Variants in C1QTNF1 observed in about 807,000 individuals in gnomAD.
C1QTNF1 encodes C1q and TNF related 1.
In C1QTNF1, 22 loss-of-function variants were observed where a neutral mutation model predicts 27.8. The observed-to-expected ratio is 0.79, with a 90% CI of 0.56 to 1.13. The LOEUF is 1.13. Among genes scored for constraint, C1QTNF1 ranks in the 50% most tolerant of loss-of-function variants. C1QTNF1 has a pLI of 0.00. For missense variants in C1QTNF1, 373 were observed against 380.2 expected (o/e 0.98, Z 0.16); for synonymous variants, 166 against 154.3 (o/e 1.08, Z -0.56).
chr17:79,030,844 G>T (rs373244608), intron 1 of C1QTNF1, among the ~76,000 whole-genome samples: 4 of 151,740 alleles, frequency 2.6e-5, no homozygotes, highest in African/African-American at 4.8e-5. Flanking sequence ...CAAGCGATCC[G>T]CCTGCCTCGG....
At position 79,048,041 on chromosome 17, in the gene C1QTNF1, T is replaced by A. The variant is rs372234859; in HGVS notation, c.799T>A (p.Tyr267Asn). 1 of 1,592,552 alleles carries A rather than the reference T, an allele frequency of 6.3e-7. No individual in the cohort carries two copies. The highest frequency in any genetic ancestry group is 8.5e-7 in the Non-Finnish European group (1 of 1,171,772). ...CATCTTCAGCGAGGAGCTGGACACC[T>A]ACATCACCTTCAGTGGCTACCTGGT... is the stretch of plus-strand genomic sequence containing the variant. ...NAIFSEELDT[Y>N]ITFSGYLVKH... Residue 267 changes from tyrosine (Y) to asparagine (N), a missense_variant, in exon 4 of 4, where the codon TAC (tyrosine) becomes AAC (asparagine). Physicochemically the swap from Tyr to Asn is moderately radical, Grantham distance 143. Coordinates refer to ENST00000579760, the MANE Select transcript of C1QTNF1 (RefSeq NM_030968.5).
chr17:79,043,475 T>G (rs1048455232), intron 1 of C1QTNF1: 6 of 452,548 alleles, frequency 1.3e-5, no homozygotes, highest in African/African-American at 2.0e-5. Flanking sequence ...AGTGTGCATA[T>G]GGGTGCGTGG....
At chr17:79,027,766 G>A (rs542568381) in intron 1 of C1QTNF1, 2 of 152,412 alleles carry the variant, frequency 1.3e-5, no homozygotes, top group South Asian at 4.1e-4. Flanking sequence ...TTGTGCTGGG[G>A]TGATATGAGT....
chr17:79,028,883 G>GGTGTGTGT lies in C1QTNF1; in HGVS notation c.-15+4411_-15+4418dup, dbSNP rs3223281. 3.3e-5 allele frequency among the ~76,000 whole-genome samples: 5 copies of GGTGTGTGT among 149,372 alleles called. No homozygotes were observed. In the East Asian group the frequency reaches 7.9e-4, roughly 24 times the overall value. On this transcript the variant is annotated intron_variant, in intron 1 of 3. Coordinates refer to ENST00000579760, the MANE Select transcript of C1QTNF1 (RefSeq NM_030968.5). The stretch of plus-strand genomic sequence containing the variant: ...ACTGCCCAAGCCCCTCACATTTTAA[G>GGTGTGTGT]GTGTGTGTGTGTGTGTGTGTGTGTG...
At chr17:79,039,662 T>C (rs116499424) in intron 1 of C1QTNF1, among the ~76,000 whole-genome samples, 3,550 of 149,606 alleles carry the variant, frequency 0.024, 118 homozygotes, top group African/African-American at 0.082. Flanking sequence ...CAAAATAAAA[T>C]AAAACAAAAA....
intron 3 of C1QTNF1, chr17:79,047,160 A>G: frequency 3.9e-6 from 1 of 254,900 alleles, no homozygotes; most frequent in South Asian, 1.3e-4. Context: ...TCATTTGCTC[A>G]GAGCGAGCCG....
At position 79,045,023 on chromosome 17, in the gene C1QTNF1, G is replaced by A. The variant is rs376514663; in HGVS notation, c.155+900G>A. On this transcript the variant is annotated intron_variant, in intron 2 of 3. Transcript: ENST00000579760. ...CCTGGCCTCCAGGAGCTCTGAGGCC[G>A]AGAGGGAGATAGACACATGAGAGAC... Among the ~76,000 whole-genome samples the A allele has an allele frequency of 1.8e-3, 264 of 150,240 alleles. 2 individuals are homozygous for A. Among genetic ancestry groups the A allele is most frequent in the African/African-American group, 6.2e-3 (244 of 39,542 alleles).
intron 1 of C1QTNF1, among the ~76,000 whole-genome samples, chr17:79,029,738 C>T (rs1370203705): frequency 6.6e-6 from 1 of 152,198 alleles, no homozygotes; most frequent in Non-Finnish European, 1.5e-5. Flanking sequence ...AACAAAGCCC[C>T]TCACTGCTAG....
At chr17:79,040,730 CAAAA>C (rs60302649) in intron 1 of C1QTNF1, among the ~76,000 whole-genome samples, 1 of 56,940 alleles carries the variant, frequency 1.8e-5, no homozygotes, top group Non-Finnish European at 3.9e-5. Flanking sequence ...TTTGTCTCTA[CAAAA>C]AAAAAAAAAA....
At chr17:79,026,023 C>G (rs2071945964) in intron 1 of C1QTNF1, 1 of 231,728 alleles carries the variant, frequency 4.3e-6, no homozygotes, top group African/African-American at 2.3e-5. Context: ...CTCAACACTT[C>G]TATCAAGGGA....
intron 1 of C1QTNF1, among the ~76,000 whole-genome samples, chr17:79,041,217 C>G (rs778636217): frequency 6.6e-6 from 1 of 152,078 alleles, no homozygotes; most frequent in Non-Finnish European, 1.5e-5. Context: ...TGGGCCCTGA[C>G]GCATGGGAGG....
In C1QTNF1 at chr17:79,048,342, A is replaced by G. The variant is rs750320035; in HGVS notation, c.*254A>G. The G allele has an allele frequency of 1.8e-4, 79 of 428,598 alleles. No homozygotes were observed. Among genetic ancestry groups the G allele is most frequent in the Non-Finnish European group, 2.7e-4 (67 of 245,488 alleles). 26.5% of individuals were successfully genotyped at this position (428,598 alleles called of 1,614,324 possible). On this transcript the variant is annotated 3_prime_UTR_variant, in exon 4 of 4. Transcript: ENST00000579760. Reference sequence around the variant, plus strand: ...ACCTTCCGCGGCCCTCTCTGCACACATCCTCAAGTGACCCCGCACGGCGAG... The same window carrying G: ...ACCTTCCGCGGCCCTCTCTGCACACGTCCTCAAGTGACCCCGCACGGCGAG...
At chr17:79,042,270 A>AG (rs1281713138) in intron 1 of C1QTNF1, among the ~76,000 whole-genome samples, 1 of 152,228 alleles carries the variant, frequency 6.6e-6, no homozygotes, top group Non-Finnish European at 1.5e-5. Context: ...TTCCTGGGCG[A>AG]GGGGAGCAAG....
Position 79,049,616 on chromosome 17 carries a change from G to C in C1QTNF1, c.*1528G>C, listed in dbSNP as rs565455682. ...TGACTAATCCTGCTTCCCTCTCTGG[G>C]CCTGGCTGCCGGGATCTGGGGTCCC... is the stretch of plus-strand genomic sequence containing the variant. On this transcript the variant is annotated 3_prime_UTR_variant, in exon 4 of 4. Transcript: ENST00000579760. This position sits in a 1 kb window ranked among gnomAD's most constrained non-coding sequence, Gnocchi z 4.4. 6.6e-6 allele frequency: 1 copy of C among 152,180 alleles called. No homozygotes were observed. The highest frequency in any genetic ancestry group is 2.4e-5 in the African/African-American group (1 of 41,382). The allele number at this position is 152,180 out of a possible 1,614,324, so 9.4% of individuals were successfully genotyped here. A position where few individuals can be genotyped will look rare whatever the true frequency, so the allele number is the denominator to read the frequency against.
intron 1 of C1QTNF1, among the ~76,000 whole-genome samples, chr17:79,035,988 G>A (rs1290738434): frequency 6.6e-6 from 1 of 152,334 alleles, no homozygotes; most frequent in South Asian, 2.1e-4. Flanking sequence ...TGGATGAGAT[G>A]CGGATGCATG....
intron 1 of C1QTNF1, among the ~76,000 whole-genome samples, chr17:79,035,863 C>T (rs1037488736): frequency 1.3e-5 from 2 of 152,184 alleles, no homozygotes; most frequent in African/African-American, 4.8e-5. Context: ...GACGAAGATG[C>T]TTGTCTTGGG....
chr17:79,033,022 T>C (rs1250054423), intron 1 of C1QTNF1, among the ~76,000 whole-genome samples: 1 of 148,960 alleles, frequency 6.7e-6, no homozygotes, highest in Non-Finnish European at 1.5e-5. Flanking sequence ...GAGCCAAGAT[T>C]GTACCATTGT....
At chr17:79,044,147 A>T (rs1278495742) in intron 2 of C1QTNF1, 24 bp downstream of exon 2, 1 of 1,577,126 alleles carries the variant, frequency 6.3e-7, no homozygotes, top group Admixed American at 1.8e-5. Flanking sequence ...AGGGTGTAAT[A>T]GCAGGAGCTC....
chr17:79,041,473 G>A (rs1034248933), intron 1 of C1QTNF1, among the ~76,000 whole-genome samples: 3 of 152,156 alleles, frequency 2.0e-5, no homozygotes, highest in Admixed American at 1.3e-4. Flanking sequence ...GAGCCCTTCA[G>A]ACTTCACTCA....
Sources: gnomAD v4.1 joint callset for allele counts (sites outside exome capture counted in the v4.1 genomes callset) on GRCh38, gnomAD v4.1.1 for gene constraint, Gnocchi (gnomAD v3.1) non-coding constraint, MANE v1.5 for transcripts, NCBI Gene and HGNC (gene_info 2026-07-23, HGNC 2026-07-21) for gene names.